Variants in AARS2 observed in about 807,000 individuals in gnomAD.
AARS2 encodes alanyl-tRNA synthetase 2, mitochondrial.
Under a neutral mutation model 119.7 loss-of-function variants are expected in AARS2, and 78 were observed. The observed-to-expected ratio is 0.65, with a 90% confidence interval of 0.54 to 0.79. The LOEUF is 0.79. Among genes scored for constraint, AARS2 ranks in the 30% least tolerant of loss-of-function variants. The pLI, the probability that AARS2 is intolerant of heterozygous loss-of-function variation, is 0.00. For synonymous variants in AARS2, 502 were observed against 526.3 expected (o/e 0.95, Z 0.63); for missense variants, 1,157 against 1,291.3 (o/e 0.90, Z 1.59).
intron 4 of AARS2, 30 bp from the exon 5 acceptor site, chr6:44,310,473 C>T (rs763458023): frequency 6.2e-7 from 1 of 1,611,352 alleles, no homozygotes; most frequent in East Asian, 2.2e-5. Flanking sequence ...AAGGTGAGGC[C>T]CCACCCAGGA....
Position 44,305,755 on chromosome 6 carries a change from T to C in AARS2, c.1332A>G (p.Gly444=), listed in dbSNP as rs1785788256. Reference sequence around the variant, plus strand: ...CCATGTCCAAGGGGAGTCCCAGGTCTCCACACAGTGACAAGGACCAGGCCA... The same window carrying C: ...CCATGTCCAAGGGGAGTCCCAGGTCCCCACACAGTGACAAGGACCAGGCCA... The part of the protein sequence containing the change: ...AEVAWSLSLC[G]DLGLPLDMVE... Residue 444 remains glycine, a synonymous_variant, in exon 10 of 22, where the codon GGA becomes GGG. Transcript: ENST00000244571. The surrounding 1 kb of genome is among the most constrained non-coding windows in gnomAD (Gnocchi z 4.6). 1 of 1,614,114 alleles carries C rather than the reference T, an allele frequency of 6.2e-7. No homozygotes were observed. Among genetic ancestry groups the C allele is most frequent in the South Asian group, 1.1e-5 (1 of 91,084 alleles).
chr6:44,307,231 T>C lies in AARS2; in HGVS notation c.1040+18A>G. 6.2e-7 allele frequency: 1 copy of C among 1,613,914 alleles called. No homozygotes were observed. Among genetic ancestry groups the C allele is most frequent in the African/African-American group, 1.3e-5 (1 of 75,020 alleles). ...CCCCCAGCAGCCCCTGTCCTCTCTG[T>C]AGCCCTTCCAGACTCACGGGGGACC... On this transcript the variant is annotated intron_variant, in intron 6 of 21. Transcript: ENST00000244571. The surrounding 1 kb of genome is among the most constrained non-coding windows in gnomAD (Gnocchi z 4.4).
In AARS2 at chr6:44,304,486, G is replaced by A; in HGVS notation, c.1800C>T (p.Ile600=). The change falls in exon 13 of 22, where the codon ATC becomes ATT. Residue 600 remains isoleucine, a synonymous_variant. Coordinates refer to ENST00000244571, the MANE Select transcript of AARS2 (RefSeq NM_020745.4). ...ACTCAGGGGCTACTGCCTCATGCAG[G>A]ATGAAACCTCCACAGACCTGGGCCC... ...VARAQVCGGF[I]LHEAVAPECL... is the part of the protein sequence containing the mutation. The A allele has an allele frequency of 6.2e-7, 1 of 1,614,178 alleles. No homozygotes were observed. Among genetic ancestry groups the A allele is most frequent in the Non-Finnish European group, 8.5e-7 (1 of 1,180,020 alleles).
rs112521684 is a variant in AARS2 at position 44,299,434 on chromosome 6, CTTT to C, written c.*1110_*1112del. On this transcript the variant is annotated 3_prime_UTR_variant, in exon 22 of 22. Transcript: ENST00000244571. ...CTGGGAGGCTGAGGCATAAAGATTA[CTTT>C]TTTTTTTTTTTGTAGACAGGGTCTT... Among the ~76,000 whole-genome samples, 241 of 144,480 alleles carry C rather than the reference CTTT, an allele frequency of 1.7e-3. 1 individual carries two copies. The highest frequency in any genetic ancestry group is 3.3e-3 in the Admixed American group (47 of 14,394). The allele number at this position is 144,480 out of a possible 152,430, so 94.8% of individuals were successfully genotyped here.
At chr6:44,303,977 C>T (rs1351684586) in intron 14 of AARS2, among the ~76,000 whole-genome samples, 1 of 152,100 alleles carries the variant, frequency 6.6e-6, no homozygotes, top group Admixed American at 6.5e-5. Context: ...CAGAGCTGGG[C>T]GAGGCCCCAG....
rs761923538 is a variant in AARS2, at chr6:44,311,537, T to G, written c.436-2A>C. 7 of 1,610,472 alleles carry G rather than the reference T, an allele frequency of 4.3e-6. No individual in the cohort carries two copies. The highest frequency in any genetic ancestry group is 5.9e-6 in the Non-Finnish European group (7 of 1,178,358). On this transcript the variant is annotated splice_acceptor_variant, in intron 2 of 21. Coordinates refer to ENST00000244571, the MANE Select transcript of AARS2 (RefSeq NM_020745.4). LOFTEE classifies it high-confidence loss of function. ...CCAGGCCATGTTACAAGCCTCCTCC[T>G]GCAGCAGAAACCAGCATGGGGTGGG... is the stretch of plus-strand genomic sequence containing the variant.
Position 44,304,276 on chromosome 6 carries a change from G to C in AARS2, c.1912C>G (p.Leu638Val). 1 of 1,614,238 alleles carries C rather than the reference G, an allele frequency of 6.2e-7. No homozygotes were observed. The highest frequency in any genetic ancestry group is 2.2e-5 in the East Asian group (1 of 44,884). The change falls in exon 14 of 22, where the codon CTG (leucine) becomes GTG (valine). Residue 638 changes from leucine to valine, a missense_variant. Physicochemically the swap from Leu to Val is conservative, Grantham distance 32 (BLOSUM62 1). Transcript: ENST00000244571. ...CMAKHTATHL[L>V]NWALRQTLGP... is the part of the protein sequence containing the mutation. ...AGGGTCTGCCTCAGTGCCCAGTTCA[G>C]CAGGTGGGTGGCCGTATGCTTCGCC...
At position 44,301,461 on chromosome 6, in the gene AARS2, C is replaced by T; in HGVS notation, c.2602G>A (p.Ala868Thr). 1 of 1,612,810 alleles carries T rather than the reference C, an allele frequency of 6.2e-7. No individual in the cohort carries two copies. The highest frequency in any genetic ancestry group is 8.5e-7 in the Non-Finnish European group (1 of 1,179,732). The stretch of plus-strand genomic sequence containing the variant: ...TCCAGCAGCTCCTGAGTTTTCTTTG[C>T]AGCCTATGGGGCAGGAAGGACAAGC... The part of the protein sequence containing the change: ...AIRKLQMGQA[A>T]KKTQELLERH... The change falls in exon 20 of 22, where the codon GCA (alanine) becomes ACA (threonine). Residue 868 changes from alanine to threonine, a missense_variant. By Grantham distance (58) the Ala-to-Thr change is moderately conservative. Coordinates refer to ENST00000244571, the MANE Select transcript of AARS2 (RefSeq NM_020745.4).
Position 44,307,358 on chromosome 6 carries a change from C to G in AARS2, c.931G>C (p.Val311Leu), listed in dbSNP as rs571524093. Residue 311 changes from valine (V) to leucine (L), a missense_variant, in exon 6 of 22, where the codon GTG (valine) becomes CTG (leucine). Transcript: ENST00000244571. The surrounding 1 kb of genome is among the most constrained non-coding windows in gnomAD (Gnocchi z 4.4). The stretch of plus-strand genomic sequence containing the variant: ...GTGTCTGTGCGCCCCTCGTCTGCCA[C>G]CCCTACTCGGCCCAAGTAAGGGGGT... ...RAPPYLGRVG[V>L]ADEGRTDTAY... 5.6e-6 allele frequency: 9 copies of G among 1,610,268 alleles called. No homozygotes were observed. The East Asian group carries it at 1.6e-4, about 28-fold the overall frequency.
At chr6:44,306,673 T>C in intron 7 of AARS2, 141 bp from the exon 8 acceptor site, 2 of 1,103,454 alleles carry the variant, frequency 1.8e-6, no homozygotes, top group Non-Finnish European at 2.8e-6. Context: ...AATGGGGAAC[T>C]GGTTTCCCTG....
At chr6:44,301,046 A>C in intron 21 of AARS2, 110 bp downstream of exon 21, 1 of 1,002,536 alleles carries the variant, frequency 1.0e-6, no homozygotes, top group Admixed American at 2.4e-5. Context: ...CCTCATAGAT[A>C]CTTCCACCCA....
Position 44,300,488 on chromosome 6 carries a change from G to A in AARS2, c.*59C>T. On this transcript the variant is annotated 3_prime_UTR_variant, in exon 22 of 22. Transcript: ENST00000244571. ...TTCAGCATGTGGGAAGGTTCTGCTG[G>A]CTCCTTCAGGGCTCCTGGCATTGCC... 7 of 1,610,078 alleles carry A rather than the reference G, an allele frequency of 4.3e-6. No individual in the cohort carries two copies. Among genetic ancestry groups the A allele is most frequent in the Non-Finnish European group, 5.9e-6 (7 of 1,177,316 alleles).
At chr6:44,302,630 A>G (rs1486291046) in intron 17 of AARS2, 117 bp from the exon 18 acceptor site, 1 of 1,547,602 alleles carries the variant, frequency 6.5e-7, no homozygotes, top group South Asian at 1.1e-5. Context: ...TCAAGGCACC[A>G]GCACCAAATA....
Position 44,300,274 on chromosome 6 carries a change from C to T in AARS2, c.*273G>A, listed in dbSNP as rs953719299. Reference sequence around the variant, plus strand: ...GATTACAGGTGTGAACCACCACACCCGGCCAGTGAAATAATTTCTAATGTG... The same window carrying T: ...GATTACAGGTGTGAACCACCACACCTGGCCAGTGAAATAATTTCTAATGTG... On this transcript the variant is annotated 3_prime_UTR_variant, in exon 22 of 22. Coordinates refer to ENST00000244571, the MANE Select transcript of AARS2 (RefSeq NM_020745.4). 120 of 514,048 alleles carry T rather than the reference C, an allele frequency of 2.3e-4. No homozygotes were observed. Among genetic ancestry groups the T allele is most frequent in the Non-Finnish European group, 3.9e-4 (111 of 283,586 alleles). The allele number at this position is 514,048 out of a possible 1,614,324, so 31.8% of individuals were successfully genotyped here. A position where few individuals can be genotyped will look rare whatever the true frequency, so the allele number is the denominator to read the frequency against.
At position 44,307,363 on chromosome 6, in the gene AARS2, A is replaced by G; in HGVS notation, c.926T>C (p.Val309Ala). The G allele has an allele frequency of 1.9e-6, 3 of 1,609,008 alleles. No individual in the cohort carries two copies. The highest frequency in any genetic ancestry group is 2.2e-5 in the South Asian group (2 of 90,104). The change falls in exon 6 of 22, where the codon GTA becomes GCA. Residue 309 changes from valine to alanine, a missense_variant. By Grantham distance (64) the Val-to-Ala change is moderately conservative (BLOSUM62 0). Transcript: ENST00000244571. The surrounding 1 kb of genome is among the most constrained non-coding windows in gnomAD (Gnocchi z 4.4). The part of the protein sequence containing the change: ...GCRAPPYLGR[V>A]GVADEGRTDT... The stretch of plus-strand genomic sequence containing the variant: ...TGTGCGCCCCTCGTCTGCCACCCCT[A>G]CTCGGCCCAAGTAAGGGGGTGCCCT...
chr6:44,311,560 G>C (rs78621015), intron 2 of AARS2, 25 bp from the exon 3 acceptor site: 206 of 1,604,314 alleles, frequency 1.3e-4, no homozygotes, highest in East Asian at 1.2e-3. Flanking sequence ...AGCATGGGGT[G>C]GGGGGGGAAG....
intron 14 of AARS2, 129 bp from the exon 15 acceptor site, chr6:44,303,552 AG>A: frequency 7.1e-7 from 1 of 1,403,194 alleles, no homozygotes; most frequent in Non-Finnish European, 1.0e-6. Context: ...AGCACATAAT[AG>A]GTGCTCAATA....
chr6:44,310,927 A>ACAG, intron 4 of AARS2, 67 bp downstream of exon 4: 1 of 1,599,886 alleles, frequency 6.3e-7, no homozygotes, highest in South Asian at 1.1e-5. Context: ...AACAGATCAA[A>ACAG]GTCTTCTAAT....
chr6:44,311,261 A>G, intron 3 of AARS2, 100 bp from the exon 4 acceptor site: 3 of 1,599,706 alleles, frequency 1.9e-6, no homozygotes, highest in Middle Eastern at 1.7e-4. Flanking sequence ...GCTCAGCAAG[A>G]GGAGGAACAG....
Sources: allele counts gnomAD v4.1 joint callset (sites outside exome capture counted in the v4.1 genomes callset), GRCh38; gene constraint gnomAD v4.1.1; non-coding constraint Gnocchi (gnomAD v3.1); transcripts MANE v1.5; gene names NCBI Gene and HGNC (gene_info 2026-07-23, HGNC 2026-07-21).